The following SEMA3C variants were observed in gnomAD, a reference collection of about 807,000 sequenced individuals.
SEMA3C encodes semaphorin-3C.
In SEMA3C, 47 loss-of-function variants were observed where a neutral mutation model predicts 89.4. The ratio of observed to expected loss-of-function variants is 0.53; its 90% CI spans 0.42 to 0.67. The LOEUF (loss-of-function observed/expected upper bound fraction) is 0.67. Among genes scored for constraint, SEMA3C ranks in the 30% least tolerant of loss-of-function variants. The pLI, the probability that SEMA3C is intolerant of heterozygous loss-of-function variation, is 0.00. For synonymous variants in SEMA3C, 310 were observed against 320.2 expected (o/e 0.97, Z 0.34); for missense variants, 839 against 929.1 (o/e 0.90, Z 1.26).
chr7:80,904,165 C>G (rs962088105), intron 2 of SEMA3C, among the ~76,000 whole-genome samples: 1 of 152,096 alleles, frequency 6.6e-6, no homozygotes, highest in Non-Finnish European at 1.5e-5. Context: ...CTCAGCCTCT[C>G]CAGTAGCTGG....
intron 2 of SEMA3C, among the ~76,000 whole-genome samples, chr7:80,840,706 TTAAGTC>T (rs879518795): frequency 3.3e-5 from 5 of 151,894 alleles, no homozygotes; most frequent in Admixed American, 3.3e-4. Context: ...GAATGAAGAA[TTAAGTC>T]TTCCTGGAAA....
intron 2 of SEMA3C, among the ~76,000 whole-genome samples, chr7:80,895,940 T>C (rs748137444): frequency 4.6e-5 from 7 of 152,126 alleles, no homozygotes; most frequent in Non-Finnish European, 8.8e-5. Context: ...GTGAATAAAA[T>C]TTGTAGTTGC....
intron 4 of SEMA3C, among the ~76,000 whole-genome samples, chr7:80,818,665 AT>A (rs148817620): frequency 0.22 from 33,065 of 151,706 alleles, 3,926 homozygotes; most frequent in East Asian, 0.36. Flanking sequence ...AAAAATAAAA[AT>A]AAAAATCCCC....
rs74550217 is a variant in SEMA3C, at chr7:80,913,887, C to T, written c.103+2792G>A. On this transcript the variant is annotated intron_variant, in intron 2 of 17. Transcript: ENST00000265361. Reference sequence around the variant, plus strand: ...TGGAACATGAATGGGAGAAGAGACTCATTGCTCTACACACCTTGAAATTGC... The same window carrying T: ...TGGAACATGAATGGGAGAAGAGACTTATTGCTCTACACACCTTGAAATTGC... Among the ~76,000 whole-genome samples the T allele has an allele frequency of 3.6e-3, 541 of 152,252 alleles. 4 individuals are homozygous for T. The highest frequency in any genetic ancestry group is 0.012 in the African/African-American group (487 of 41,540).
upstream of SEMA3C, chr7:80,919,262 C>A (rs1792358110): frequency 1.0e-6 from 1 of 984,872 alleles, no homozygotes; most frequent in Non-Finnish European, 1.2e-6. Flanking sequence ...CGGGCGGGGC[C>A]GACCCTTAGA....
intron 2 of SEMA3C, among the ~76,000 whole-genome samples, chr7:80,868,310 C>T (rs1474294490): frequency 6.6e-6 from 1 of 152,100 alleles, no homozygotes; most frequent in East Asian, 1.9e-4. Flanking sequence ...CTCTGTCACC[C>T]AGGCTGGAGT....
At chr7:80,768,274 G>A (rs1788347751) in intron 12 of SEMA3C, among the ~76,000 whole-genome samples, 2 of 152,212 alleles carry the variant, frequency 1.3e-5, no homozygotes, top group Admixed American at 1.3e-4. Flanking sequence ...AGCACTTTGG[G>A]AGGCCGAGGT....
intron 5 of SEMA3C, among the ~76,000 whole-genome samples, chr7:80,813,377 G>C (rs1383823077): frequency 6.6e-6 from 1 of 152,028 alleles, no homozygotes; most frequent in Non-Finnish European, 1.5e-5. Flanking sequence ...TATCACAACT[G>C]GTTCTGTCAT....
intron 2 of SEMA3C, among the ~76,000 whole-genome samples, chr7:80,830,293 T>C (rs977696527): frequency 6.6e-6 from 1 of 152,160 alleles, no homozygotes; most frequent in Non-Finnish European, 1.5e-5. Context: ...GCAACAATAA[T>C]AGTAACTTCT....
chr7:80,919,290 C>G, upstream of SEMA3C: 4 of 984,020 alleles, frequency 4.1e-6, no homozygotes, highest in Non-Finnish European at 4.8e-6. Flanking sequence ...GCTGGCCAGA[C>G]GCAAGAATGC....
chr7:80,851,872 G>A (rs1790521797), intron 2 of SEMA3C, among the ~76,000 whole-genome samples: 1 of 151,982 alleles, frequency 6.6e-6, no homozygotes, highest in South Asian at 2.1e-4. Flanking sequence ...CATGAAAGAA[G>A]ACAATGTTAA....
chr7:80,902,571 A>C (rs1357413243), intron 2 of SEMA3C, among the ~76,000 whole-genome samples: 1 of 152,318 alleles, frequency 6.6e-6, no homozygotes, highest in East Asian at 1.9e-4. Flanking sequence ...AACAACTATA[A>C]ATTTCCATGG....
intron 2 of SEMA3C, among the ~76,000 whole-genome samples, chr7:80,891,093 A>G (rs1791600515): frequency 6.6e-6 from 1 of 152,100 alleles, no homozygotes; most frequent in Admixed American, 6.6e-5. Context: ...TTCTGCCCTT[A>G]GTAATAGAGG....
chr7:80,906,176 C>T (rs1475280063), intron 2 of SEMA3C, among the ~76,000 whole-genome samples: 3 of 152,100 alleles, frequency 2.0e-5, no homozygotes, highest in Non-Finnish European at 2.9e-5. Flanking sequence ...CATACAGATA[C>T]GTATGTATCT....
At chr7:80,807,882 A>C (rs1789379348) in intron 6 of SEMA3C, among the ~76,000 whole-genome samples, 1 of 152,188 alleles carries the variant, frequency 6.6e-6, no homozygotes, top group Non-Finnish European at 1.5e-5. Flanking sequence ...ATCACAGGAG[A>C]TAATTTGAGA....
At chr7:80,865,941 G>T (rs1417749649) in intron 2 of SEMA3C, among the ~76,000 whole-genome samples, 7 of 152,002 alleles carry the variant, frequency 4.6e-5, no homozygotes, top group Admixed American at 4.6e-4. Context: ...TTACATTATA[G>T]TTAACAACAG....
intron 2 of SEMA3C, among the ~76,000 whole-genome samples, chr7:80,900,115 G>GTT (rs113481548): frequency 1.4e-5 from 2 of 146,136 alleles, no homozygotes; most frequent in East Asian, 2.0e-4. Flanking sequence ...CATTTAGTAT[G>GTT]TTTTTTTTTT....
chr7:80,836,144 A>G (rs937469722), intron 2 of SEMA3C, among the ~76,000 whole-genome samples: 1 of 152,180 alleles, frequency 6.6e-6, no homozygotes, highest in African/African-American at 2.4e-5. Flanking sequence ...AAACAACTCG[A>G]GAACTATCAA....
At chr7:80,756,221 A>G (rs112275564) in intron 15 of SEMA3C, among the ~76,000 whole-genome samples, 5 of 152,186 alleles carry the variant, frequency 3.3e-5, no homozygotes, top group African/African-American at 9.6e-5. Context: ...ATAAATCCTA[A>G]TGTTCAGTTC....
Sources: allele counts gnomAD v4.1 joint callset (sites outside exome capture counted in the v4.1 genomes callset), GRCh38; gene constraint gnomAD v4.1.1; transcripts MANE v1.5; gene names NCBI Gene and HGNC (gene_info 2026-07-23, HGNC 2026-07-21).